Variants in IGSF11 observed in about 807,000 individuals in gnomAD.
IGSF11 encodes CXADR like 1.
IGSF11 carries 22 observed loss-of-function variants against 41.0 expected under a neutral mutation model. That is an observed-to-expected ratio of 0.54 (90% CI 0.38 to 0.77). The LOEUF is 0.77. Among genes scored for constraint, IGSF11 ranks in the 30% least tolerant of loss-of-function variants. The pLI is 0.00. For synonymous variants in IGSF11, 219 were observed against 201.3 expected (o/e 1.09, Z -0.74); for missense variants, 444 against 530.8 (o/e 0.84, Z 1.61).
chr3:119,061,778 G>T (rs1472422717), intron 1 of IGSF11, among the ~76,000 whole-genome samples: 6 of 149,654 alleles, frequency 4.0e-5, no homozygotes, highest in South Asian at 2.1e-4. Context: ...TTTAACTATA[G>T]TTTTTTTTTT....
intron 4 of IGSF11, 113 bp from the exon 5 acceptor site, chr3:118,905,831 C>T: frequency 8.1e-7 from 1 of 1,229,730 alleles, no homozygotes. Context: ...CAATAAATTT[C>T]TTTTTTGTGG....
chr3:118,949,491 A>G (rs1944418602), intron 1 of IGSF11, among the ~76,000 whole-genome samples: 1 of 152,194 alleles, frequency 6.6e-6, no homozygotes, highest in Non-Finnish European at 1.5e-5. Context: ...GATTCTCCTG[A>G]AATCTAAACA....
rs115683867 is a variant in IGSF11 at position 118,920,547 on chromosome 3, C to T, written c.580+5554G>A. On this transcript the variant is annotated intron_variant, in intron 4 of 6. Coordinates refer to ENST00000393775, the MANE Select transcript of IGSF11 (RefSeq NM_001015887.3). Reference sequence around the variant, plus strand: ...ATGCCAATGAACCATACAATAGTAACGTACCAACAAGAATTGACCAAAGAA... The same window carrying T: ...ATGCCAATGAACCATACAATAGTAATGTACCAACAAGAATTGACCAAAGAA... 8.2e-3 allele frequency among the ~76,000 whole-genome samples: 1,245 copies of T among 151,886 alleles called. 23 individuals are homozygous for T. Among genetic ancestry groups the T allele is most frequent in the African/African-American group, 0.027 (1,113 of 41,440 alleles).
In IGSF11 at chr3:118,981,641, G is replaced by A. The variant is rs1307508034; in HGVS notation, c.53-51366C>T. 9.2e-5 allele frequency: 14 copies of A among 152,280 alleles called. 1 individual carries two copies. Among genetic ancestry groups the A allele is most frequent in the Admixed American group, 9.2e-4 (14 of 15,272 alleles). 9.4% of individuals were successfully genotyped at this position (152,280 alleles called of 1,614,324 possible). A position where few individuals can be genotyped will look rare whatever the true frequency, so the allele number is the denominator to read the frequency against. ...CTTCCCTGTGGGACAGCTAAACAGA[G>A]CCTATTAGACTTGCTCCACTGACCT... On this transcript the variant is annotated intron_variant, in intron 1 of 6. Transcript: ENST00000393775.
chr3:119,017,435 G>A (rs540796933), intron 1 of IGSF11, among the ~76,000 whole-genome samples: 3 of 152,196 alleles, frequency 2.0e-5, no homozygotes, highest in Non-Finnish European at 4.4e-5. Context: ...GAGAATATAC[G>A]GTGTTATAAT....
chr3:118,986,100 T>G (rs1935228206), intron 1 of IGSF11, among the ~76,000 whole-genome samples: 1 of 152,118 alleles, frequency 6.6e-6, no homozygotes. Flanking sequence ...TACTTTATCT[T>G]CCCTCATGTA....
intron 4 of IGSF11, 86 bp from the exon 5 acceptor site, chr3:118,905,804 G>T: frequency 7.0e-7 from 1 of 1,429,882 alleles, no homozygotes; most frequent in South Asian, 1.2e-5. Flanking sequence ...AAAAACAGAC[G>T]AACACTGGAG....
At chr3:118,951,542 T>C (rs1345345451) in intron 1 of IGSF11, among the ~76,000 whole-genome samples, 2 of 152,176 alleles carry the variant, frequency 1.3e-5, no homozygotes, top group Admixed American at 1.3e-4. Context: ...CTTCAAGTGA[T>C]ATTTCTTTTA....
chr3:119,007,261 A>G lies in IGSF11; in HGVS notation c.52+27270T>C, dbSNP rs540281306. ...TCCGTCACCCCTTTCTTTGACTCGG[A>G]AAGAGAACTCCCTGACCCCTTGCGC... On this transcript the variant is annotated intron_variant, in intron 1 of 6. Coordinates refer to ENST00000393775, the MANE Select transcript of IGSF11 (RefSeq NM_001015887.3). Among the ~76,000 whole-genome samples, 423 of 140,508 alleles carry G rather than the reference A, an allele frequency of 3.0e-3. 5 individuals carry two copies. The highest frequency in any genetic ancestry group is 0.011 in the African/African-American group (381 of 33,614). The allele number at this position is 140,508 out of a possible 152,430, so 92.2% of individuals were successfully genotyped here.
intron 1 of IGSF11, among the ~76,000 whole-genome samples, chr3:119,026,292 T>G (rs1939818049): frequency 6.6e-6 from 1 of 152,192 alleles, no homozygotes; most frequent in African/African-American, 2.4e-5. Context: ...TAGCACAGAT[T>G]TATTGTCTGG....
intron 1 of IGSF11, among the ~76,000 whole-genome samples, chr3:118,931,523 A>G (rs1942849307): frequency 6.6e-6 from 1 of 152,210 alleles, no homozygotes; most frequent in African/African-American, 2.4e-5. Context: ...GAGCCTCCCA[A>G]AACATATTTC....
At chr3:119,093,259 T>C (rs1023991092) in intron 1 of IGSF11, among the ~76,000 whole-genome samples, 4 of 152,186 alleles carry the variant, frequency 2.6e-5, no homozygotes, top group African/African-American at 9.7e-5. Flanking sequence ...CCTTCAATCA[T>C]TAGCACTGTA....
In IGSF11 at chr3:119,075,559, T is replaced by C. The variant is rs542399696; in HGVS notation, c.49+29585A>G. Among the ~76,000 whole-genome samples the C allele has an allele frequency of 1.5e-4, 23 of 152,236 alleles. No individual in the cohort carries two copies. The South Asian group carries it at 2.5e-3, about 16-fold the overall frequency. On this transcript the variant is annotated intron_variant, in intron 1 of 6. Coordinates refer to the IGSF11 transcript ENST00000354673. ...TTCAAGCCAATATCCCTCATAAACG[T>C]AGATGCAAAAATCCTCAGCAAAATA...
intron 1 of IGSF11, among the ~76,000 whole-genome samples, chr3:118,937,983 C>T (rs1263349539): frequency 6.6e-6 from 1 of 152,022 alleles, no homozygotes; most frequent in Non-Finnish European, 1.5e-5. Flanking sequence ...GATTATCACT[C>T]CTCTTTGTCA....
At chr3:119,051,418 G>A (rs928260417) in intron 1 of IGSF11, among the ~76,000 whole-genome samples, 5 of 151,928 alleles carry the variant, frequency 3.3e-5, no homozygotes, top group African/African-American at 1.2e-4. Flanking sequence ...TAGTCCAACA[G>A]GAAAATATCA....
intron 1 of IGSF11, among the ~76,000 whole-genome samples, chr3:119,018,306 T>G (rs1245014819): frequency 6.6e-6 from 1 of 152,172 alleles, no homozygotes; most frequent in African/African-American, 2.4e-5. Context: ...ACTTTACAGT[T>G]TACTGTTTGG....
At chr3:119,093,591 G>C (rs2076800411) in intron 1 of IGSF11, among the ~76,000 whole-genome samples, 1 of 152,140 alleles carries the variant, frequency 6.6e-6, no homozygotes, top group Admixed American at 6.5e-5. Flanking sequence ...TTGGGGCTCA[G>C]CAGCAGTTTA....
At chr3:118,913,784 G>A (rs1940660887) in intron 4 of IGSF11, among the ~76,000 whole-genome samples, 1 of 152,180 alleles carries the variant, frequency 6.6e-6, no homozygotes, top group African/African-American at 2.4e-5. Flanking sequence ...AAACGATGAT[G>A]AAAATGGGGA....
At chr3:118,946,803 G>A (rs1001834521) in intron 1 of IGSF11, among the ~76,000 whole-genome samples, 1 of 152,148 alleles carries the variant, frequency 6.6e-6, no homozygotes, top group Admixed American at 6.5e-5. Context: ...TTGGCTTAAC[G>A]TTTTTAACTG....
Sources: gnomAD v4.1 joint callset for allele counts (sites outside exome capture counted in the v4.1 genomes callset) on GRCh38, gnomAD v4.1.1 for gene constraint, MANE v1.5 for transcripts, NCBI Gene and HGNC (gene_info 2026-07-23, HGNC 2026-07-21) for gene names.